The following FAM186B variants were observed in gnomAD, a reference collection of about 807,000 sequenced individuals.
The protein encoded by FAM186B is family with sequence similarity 186 member B.
A neutral mutation model predicts 83.4 loss-of-function variants in FAM186B; 68 were observed. The observed-to-expected ratio is 0.81, with a 90% CI of 0.67 to 1.00. The LOEUF is 1.00. Ranked by LOEUF, FAM186B falls within the 50% of genes least tolerant of loss-of-function variation. The probability of loss-of-function intolerance (pLI) is 0.00; values close to 1 mark genes in which losing one functional copy is unlikely to be tolerated. For missense variants in FAM186B, 983 were observed against 1,099.2 expected (o/e 0.89, Z 1.49); for synonymous variants, 389 against 422.0 (o/e 0.92, Z 0.96).
rs757598310 is a variant in FAM186B, at chr12:49,601,088, C to G, written c.552G>C (p.Gln184His). Residue 184 changes from glutamine to histidine, a missense_variant, in exon 4 of 7, where the codon CAG (glutamine) becomes CAC (histidine). By Grantham distance (24) the Gln-to-His change is conservative (BLOSUM62 0). Coordinates refer to ENST00000257894, the MANE Select transcript of FAM186B (RefSeq NM_032130.3). ...GTGGCTGAGGATGGGATGGAGATGT[C>G]TGTGGGCTTCTTCCCTGCCAGCCCT... is the stretch of plus-strand genomic sequence containing the variant. ...FWQGWQGRSP[Q>H]TSPSHPQPLS... 3.8e-6 allele frequency: 6 copies of G among 1,593,336 alleles called. No individual in the cohort carries two copies. Among genetic ancestry groups the G allele is most frequent in the Non-Finnish European group, 5.1e-6 (6 of 1,167,802 alleles).
chr12:49,587,901 A>G, intron 6 of FAM186B, 149 bp from the exon 7 acceptor site: 2 of 892,424 alleles, frequency 2.2e-6, no homozygotes, highest in South Asian at 3.6e-5. Context: ...CCCCTCCAAC[A>G]CTGAGTCTGA....
chr12:49,599,361 G>T, intron 4 of FAM186B, 108 bp downstream of exon 4: 1 of 1,411,866 alleles, frequency 7.1e-7, no homozygotes, highest in Non-Finnish European at 9.3e-7. Flanking sequence ...GGCCTGGGGT[G>T]GCTCTCCCCA....
upstream of FAM186B, among the ~76,000 whole-genome samples, chr12:49,608,576 T>C (rs1187889102): frequency 6.6e-6 from 1 of 151,624 alleles, no homozygotes; most frequent in Non-Finnish European, 1.5e-5. Flanking sequence ...ACTTGGAAAT[T>C]GCAAGGTAGT....
chr12:49,621,251 C>T, the FAM186B span, among the ~76,000 whole-genome samples: 1 of 152,084 alleles, frequency 6.6e-6, no homozygotes, highest in African/African-American at 2.4e-5. Flanking sequence ...GGTGTGGTGG[C>T]GCATGCCTGG....
downstream of FAM186B, chr12:49,584,245 TGAG>T (rs1939393973): frequency 1.1e-5 from 5 of 468,490 alleles, no homozygotes; most frequent in Non-Finnish European, 1.9e-5. Context: ...AAAACTGAGT[TGAG>T]GAGGTGTGGG....
chr12:49,601,232 T>C, intron 3 of FAM186B, 98 bp from the exon 4 acceptor site: 1 of 1,456,238 alleles, frequency 6.9e-7, no homozygotes, highest in Non-Finnish European at 9.1e-7. Context: ...GCAACCCCCT[T>C]AGGGATTTGG....
upstream of FAM186B, among the ~76,000 whole-genome samples, chr12:49,605,906 G>A (rs941971953): frequency 7.6e-4 from 115 of 151,626 alleles, 1 homozygote; most frequent in African/African-American, 2.3e-3. Context: ...TTACAGGTGC[G>A]TGCCACCACG....
chr12:49,615,153 T>C, the FAM186B span, among the ~76,000 whole-genome samples: 1 of 151,858 alleles, frequency 6.6e-6, no homozygotes, highest in East Asian at 1.9e-4. Flanking sequence ...GACTACACAT[T>C]GGGTACAGTG....
At chr12:49,588,722 C>A in intron 5 of FAM186B, 99 bp from the exon 6 acceptor site, 1 of 1,271,918 alleles carries the variant, frequency 7.9e-7, no homozygotes, top group South Asian at 1.5e-5. Context: ...CTGCTGGACT[C>A]AGGGCTGAGT....
chr12:49,588,680 C>T (rs914697082), intron 5 of FAM186B, 57 bp from the exon 6 acceptor site: 24 of 1,497,610 alleles, frequency 1.6e-5, no homozygotes, highest in African/African-American at 1.5e-4. Context: ...CTCTCTAGGT[C>T]GTGAGGAGGC....
the FAM186B span, among the ~76,000 whole-genome samples, chr12:49,620,945 C>T: frequency 6.6e-6 from 1 of 152,144 alleles, no homozygotes; most frequent in African/African-American, 2.4e-5. Flanking sequence ...AATGCCATTA[C>T]ACTTGTGAAA....
chr12:49,609,225 G>A (rs1940061490), upstream of FAM186B, among the ~76,000 whole-genome samples: 1 of 152,184 alleles, frequency 6.6e-6, no homozygotes, highest in Non-Finnish European at 1.5e-5. Context: ...GTCTGAGTGA[G>A]TTATTGCTTG....
intron 5 of FAM186B, among the ~76,000 whole-genome samples, chr12:49,596,430 G>T (rs1335208554): frequency 6.6e-6 from 1 of 150,730 alleles, no homozygotes; most frequent in Non-Finnish European, 1.5e-5. Flanking sequence ...GCCCTGCTCT[G>T]TCTGTGGAGC....
At chr12:49,585,819 C>T (rs997500106), downstream of FAM186B, among the ~76,000 whole-genome samples, 7 of 152,128 alleles carry the variant, frequency 4.6e-5, no homozygotes, top group Non-Finnish European at 7.4e-5. Flanking sequence ...GCAGGTGGCC[C>T]GAGAAAAGGT....
upstream of FAM186B, among the ~76,000 whole-genome samples, chr12:49,605,857 C>G (rs190581458): frequency 1.0e-3 from 153 of 147,204 alleles, 1 homozygote; most frequent in African/African-American, 3.6e-3. Flanking sequence ...TTCCTGGGTT[C>G]AAGTGATTCT....
rs1455901866 is a variant in FAM186B, at chr12:49,588,631, A to G, written c.2365-8T>C. 1.3e-6 allele frequency: 2 copies of G among 1,564,518 alleles called. No homozygotes were observed. The highest frequency in any genetic ancestry group is 1.7e-6 in the Non-Finnish European group (2 of 1,149,612). ...GTTCCACTCCAGCTGGAGCTAGAGG[A>G]ACCAGCAGAGAGGCATCAGGGAAAC... On this transcript the variant is annotated splice_polypyrimidine_tract_variant and splice_region_variant and intron_variant, in intron 5 of 6. Coordinates refer to ENST00000257894, the MANE Select transcript of FAM186B (RefSeq NM_032130.3).
chr12:49,604,936 T>C (rs1939978049), intron 1 of FAM186B, among the ~76,000 whole-genome samples: 2 of 152,080 alleles, frequency 1.3e-5, no homozygotes, highest in Admixed American at 1.3e-4. Flanking sequence ...CCCAAGAAAC[T>C]CTAGGATCAG....
At chr12:49,586,764 GGCTGGAATGATAGGACTCTCA>G (rs1939451319), downstream of FAM186B, among the ~76,000 whole-genome samples, 1 of 152,234 alleles carries the variant, frequency 6.6e-6, no homozygotes, top group East Asian at 1.9e-4. Flanking sequence ...GCACTGGGTG[GGCTGGAATGATAGGACTCTCA>G]GCTGGAATGC....
At chr12:49,613,391 G>A in the FAM186B span, among the ~76,000 whole-genome samples, 3 of 151,760 alleles carry the variant, frequency 2.0e-5, no homozygotes, top group Admixed American at 6.6e-5. Flanking sequence ...GCCGGGTGTG[G>A]TGGTGGGCGC....
Sources: gnomAD v4.1 joint callset for allele counts (sites outside exome capture counted in the v4.1 genomes callset) on GRCh38, gnomAD v4.1.1 for gene constraint, MANE v1.5 for transcripts, NCBI Gene and HGNC (gene_info 2026-07-23, HGNC 2026-07-21) for gene names.